The following TRIM6 variants were observed in gnomAD, a reference collection of about 807,000 sequenced individuals.
TRIM6 encodes the protein tripartite motif containing 6.
TRIM6 carries 43 observed loss-of-function variants against 51.2 expected under a neutral mutation model. The ratio of observed to expected loss-of-function variants is 0.84; its 90% CI spans 0.66 to 1.08. The LOEUF (loss-of-function observed/expected upper bound fraction) is 1.08. Among genes scored for constraint, TRIM6 ranks in the 50% least tolerant of loss-of-function variants. The probability of loss-of-function intolerance (pLI) is 0.00; values close to 1 mark genes in which losing one functional copy is unlikely to be tolerated. For synonymous variants in TRIM6, 215 were observed against 232.4 expected (o/e 0.93, Z 0.68); for missense variants, 669 against 619.0 (o/e 1.08, Z -0.86).
chr11:5,609,493 A>G (rs981205932), intron 5 of TRIM6, among the ~76,000 whole-genome samples: 2 of 152,156 alleles, frequency 1.3e-5, no homozygotes, highest in Admixed American at 6.5e-5. Flanking sequence ...TAAATATTTT[A>G]TATCTTTTTT....
In TRIM6 at chr11:5,605,400, G is replaced by A. The variant is rs758191995; in HGVS notation, c.667G>A (p.Asp223Asn). ...TEFNQLRNIL[D>N]RVEQRELKKL... is the part of the protein sequence containing the mutation. ...GTTTAATCAGCTGCGAAATATCCTAGACAGAGTGGAGCAACGGGAGCTGAA... is the reference window on the plus strand; with the variant it reads ...GTTTAATCAGCTGCGAAATATCCTAAACAGAGTGGAGCAACGGGAGCTGAA... The change falls in exon 4 of 8, where the codon GAC (aspartate) becomes AAC (asparagine). Residue 223 changes from aspartate to asparagine, a missense_variant. Asp to Asn is a conservative substitution (Grantham distance 23, BLOSUM62 1). Coordinates refer to ENST00000380097, the MANE Select transcript of TRIM6 (RefSeq NM_001003818.3). The A allele has an allele frequency of 6.2e-7, 1 of 1,614,172 alleles. No individual in the cohort carries two copies. Among genetic ancestry groups the A allele is most frequent in the South Asian group, 1.1e-5 (1 of 91,066 alleles).
chr11:5,597,649 G>C (rs1208034769), intron 1 of TRIM6, among the ~76,000 whole-genome samples: 1 of 152,094 alleles, frequency 6.6e-6, no homozygotes, highest in Non-Finnish European at 1.5e-5. Context: ...TGGTGGACGG[G>C]CCCGCTCTGT....
At chr11:5,608,543 C>A in intron 5 of TRIM6, 149 bp downstream of exon 5, 1 of 1,292,086 alleles carries the variant, frequency 7.7e-7, no homozygotes, top group African/African-American at 1.5e-5. Context: ...TTGGCATCCC[C>A]AAATAAAGGG....
At chr11:5,604,877 C>T (rs1314242082) in intron 3 of TRIM6, 2 of 468,596 alleles carry the variant, frequency 4.3e-6, no homozygotes, top group Admixed American at 7.7e-5. Context: ...CGCCCCAATT[C>T]ATAATTCTGG....
At chr11:5,610,101 C>G in intron 5 of TRIM6, 44 bp from the exon 6 acceptor site, 1 of 1,608,622 alleles carries the variant, frequency 6.2e-7, no homozygotes. Context: ...GTGGAGGAAC[C>G]CACAGTCAGC....
In TRIM6 at chr11:5,610,562, G is replaced by A. The variant is rs753589724; in HGVS notation, c.985+1G>A. 1 of 1,612,956 alleles carries A rather than the reference G, an allele frequency of 6.2e-7. No homozygotes were observed. Among genetic ancestry groups the A allele is most frequent in the Non-Finnish European group, 8.5e-7 (1 of 1,179,400 alleles). ...CTGACAGATGTCCAAAGCTACTGGG[G>A]TAAGTAGAAGCCATGGCCTCTTTGG... On this transcript the variant is annotated splice_donor_variant, in intron 7 of 7. Transcript: ENST00000380097. LOFTEE classifies it high-confidence loss of function.
chr11:5,610,413 A>C, intron 6 of TRIM6, 122 bp from the exon 7 acceptor site: 1 of 1,589,920 alleles, frequency 6.3e-7, no homozygotes, highest in African/African-American at 1.3e-5. Context: ...AGGGGAGATG[A>C]AATGGCCAGG....
rs561135947 is a variant in TRIM6, at chr11:5,612,536, C to A, written c.*1194C>A. The A allele has an allele frequency of 2.4e-4, 37 of 152,212 alleles. 2 individuals carry two copies. The South Asian group carries it at 7.0e-3, about 29-fold the overall frequency. The allele number at this position is 152,212 out of a possible 1,614,324, so 9.4% of individuals were successfully genotyped here. On this transcript the variant is annotated 3_prime_UTR_variant, in exon 8 of 8. Coordinates refer to ENST00000380097, the MANE Select transcript of TRIM6 (RefSeq NM_001003818.3). ...AGAAAACACAAAGAGAAAATATGAA[C>A]AATATAAAGCACTTAAAGGAAGAGG...
chr11:5,603,519 GC>G lies in TRIM6; in HGVS notation c.293del (p.Pro98LeufsTer8). On this transcript the variant is annotated frameshift_variant, in exon 2 of 8. Coordinates refer to ENST00000380097, the MANE Select transcript of TRIM6 (RefSeq NM_001003818.3). LOFTEE classifies it high-confidence loss of function. ...QTSYQPGNLRPNRHLANIVRR... is the reference protein window; with the variant it reads ...QTSYQPGNLRXNRHLANIVRR... ...CCAGCTACCAGCCAGGGAACCTGCG[GC>G]CTAATCGGCATCTGGCCAACATAGT... 1 of 1,614,100 alleles carries G rather than the reference GC, an allele frequency of 6.2e-7. No individual in the cohort carries two copies. Among genetic ancestry groups the G allele is most frequent in the Non-Finnish European group, 8.5e-7 (1 of 1,180,036 alleles).
intron 2 of TRIM6, among the ~76,000 whole-genome samples, chr11:5,604,163 T>TGTGTGTGTGTGTGC (rs980917486): frequency 7.0e-6 from 1 of 142,600 alleles, no homozygotes; most frequent in Admixed American, 7.4e-5. Flanking sequence ...CCCAGCTAAT[T>TGTGTGTGTGTGTGC]GTGTGTGTGT....
chr11:5,599,953 C>T lies in TRIM6; in HGVS notation c.17+3039C>T, dbSNP rs146431539. Among the ~76,000 whole-genome samples the T allele has an allele frequency of 3.1e-3, 460 of 148,890 alleles. 3 individuals are homozygous for T. The highest frequency in any genetic ancestry group is 7.5e-3 in the Middle Eastern group (2 of 268). ...TCAAAGGCAATAGAGCCTTATAGTG[C>T]AGTGTGCTAAGTGAGATGATGTGGG... On this transcript the variant is annotated intron_variant, in intron 1 of 7. Transcript: ENST00000380097.
intron 4 of TRIM6, among the ~76,000 whole-genome samples, chr11:5,605,908 G>A (rs1046411661): frequency 1.3e-5 from 2 of 152,098 alleles, no homozygotes; most frequent in African/African-American, 4.8e-5. Context: ...TTGCTGCGTG[G>A]GGTTCTCCTG....
chr11:5,605,624 C>A, intron 4 of TRIM6, 57 bp downstream of exon 4: 1 of 1,535,556 alleles, frequency 6.5e-7, no homozygotes, highest in Non-Finnish European at 8.7e-7. Context: ...AACTAACTTT[C>A]CTTCCTTTCT....
intron 4 of TRIM6, among the ~76,000 whole-genome samples, chr11:5,605,814 T>C (rs1242959774): frequency 6.6e-6 from 1 of 152,254 alleles, no homozygotes; most frequent in East Asian, 1.9e-4. Flanking sequence ...TATTTGATGC[T>C]GTGGAGAAGT....
At chr11:5,597,934 T>C (rs766665673) in intron 1 of TRIM6, among the ~76,000 whole-genome samples, 1 of 136,476 alleles carries the variant, frequency 7.3e-6, no homozygotes, top group Non-Finnish European at 1.6e-5. Flanking sequence ...AATATTAAAG[T>C]GCAGATTCTG....
At chr11:5,600,626 C>A (rs1399837177) in intron 1 of TRIM6, among the ~76,000 whole-genome samples, 1 of 152,134 alleles carries the variant, frequency 6.6e-6, no homozygotes, top group Admixed American at 6.5e-5. Context: ...CTTTTTAAAT[C>A]CACCAGGTCC....
At chr11:5,601,995 G>T (rs886130977) in intron 1 of TRIM6, among the ~76,000 whole-genome samples, 3 of 152,058 alleles carry the variant, frequency 2.0e-5, no homozygotes, top group Non-Finnish European at 4.4e-5. Flanking sequence ...AGGGGGTTCT[G>T]ACCCCCTCAT....
Position 5,603,575 on chromosome 11 carries a change from C to T in TRIM6, c.347C>T (p.Pro116Leu). Residue 116 changes from proline (P) to leucine (L), a missense_variant, in exon 2 of 8, where the codon CCT (proline) becomes CTT (leucine). Pro to Leu is a moderately conservative substitution (Grantham distance 98). Transcript: ENST00000380097. Reference sequence around the variant, plus strand: ...CGGCTCAGAGAGGTAGTGTTGGGCCCTGGGAAGCAGCTGAAAGCAGTTCTT... The same window carrying T: ...CGGCTCAGAGAGGTAGTGTTGGGCCTTGGGAAGCAGCTGAAAGCAGTTCTT... ...VRRLREVVLG[P>L]GKQLKAVLCA... 2 of 1,613,934 alleles carry T rather than the reference C, an allele frequency of 1.2e-6. No homozygotes were observed. The highest frequency in any genetic ancestry group is 1.7e-6 in the Non-Finnish European group (2 of 1,180,018).
intron 3 of TRIM6, 160 bp downstream of exon 3, chr11:5,604,789 G>A (rs1450204970): frequency 6.0e-6 from 4 of 671,348 alleles, no homozygotes; most frequent in Non-Finnish European, 9.4e-6. Context: ...AACAGGGGGA[G>A]GAGAGGAGGT....
Sources: allele counts gnomAD v4.1 joint callset (sites outside exome capture counted in the v4.1 genomes callset), GRCh38; gene constraint gnomAD v4.1.1; transcripts MANE v1.5; gene names NCBI Gene and HGNC (gene_info 2026-07-23, HGNC 2026-07-21).